EEF1G: variants seen among roughly 807,000 people sequenced by gnomAD.
EEF1G encodes eukaryotic translation elongation factor 1 gamma, also known as elongation factor 1-gamma.
In EEF1G, 14 loss-of-function variants were observed where a neutral mutation model predicts 58.3. The ratio of observed to expected loss-of-function variants is 0.24; its 90% CI spans 0.16 to 0.38. The LOEUF (loss-of-function observed/expected upper bound fraction) is 0.38, where lower values mean the gene tolerates loss of function less well. EEF1G is among the 10% of genes least tolerant of loss of function. EEF1G has a pLI of 1.00. For missense variants in EEF1G, 322 were observed against 550.1 expected (o/e 0.59, Z 4.15); for synonymous variants, 180 against 206.8 (o/e 0.87, Z 1.11).
At chr11:62,568,514 G>A (rs895883740) in intron 5 of EEF1G, among the ~76,000 whole-genome samples, 6 of 151,586 alleles carry the variant, frequency 4.0e-5, no homozygotes, top group Non-Finnish European at 7.4e-5. Context: ...GGGATTACCC[G>A]TGAGCCACCA....
intron 5 of EEF1G, among the ~76,000 whole-genome samples, chr11:62,569,718 G>A (rs1358109907): frequency 6.6e-6 from 1 of 152,116 alleles, no homozygotes; most frequent in Non-Finnish European, 1.5e-5. Flanking sequence ...ACAGTACTTG[G>A]GTTCAAATTC....
rs745605867 is a variant in EEF1G, at chr11:62,567,450, G to A, written c.601C>T (p.Arg201Trp). The A allele has an allele frequency of 3.1e-6, 5 of 1,612,346 alleles. No homozygotes were observed. The highest frequency in any genetic ancestry group is 1.6e-4 in the Middle Eastern group (1 of 6,078). The change falls in exon 6 of 10, where the codon CGG (arginine) becomes TGG (tryptophan). Residue 201 changes from arginine to tryptophan, a missense_variant. This residue lies in a region of EEF1G where 208 missense variants were observed against 323.7 expected (regional missense o/e 0.64). Coordinates refer to ENST00000329251, the MANE Select transcript of EEF1G (RefSeq NM_001404.5). ...AGTTTCACTTCGCCCAAGACAGCCCGGAACTGGGGCTGGTTAATGCAGGTG... is the reference window on the plus strand; with the variant it reads ...AGTTTCACTTCGCCCAAGACAGCCCAGAACTGGGGCTGGTTAATGCAGGTG... The part of the protein sequence containing the change: ...FLTCINQPQF[R>W]AVLGEVKLCE...
In EEF1G at chr11:62,572,666, C is replaced by T. The variant is rs1941649170; in HGVS notation, c.89G>A (p.Arg30His). The T allele has an allele frequency of 3.1e-6, 5 of 1,612,990 alleles. No individual in the cohort carries two copies. The South Asian group carries it at 5.5e-5, about 18-fold the overall frequency. Reference protein sequence around the residue: ...IAAQYSGAQVRVLSAPPHFHF... With the variant: ...IAAQYSGAQVHVLSAPPHFHF... ...GAAGTGGGGTGGTGCGGAGAGCACG[C>T]GGACCTGAGCCCCGCTGTACTGAGC... Residue 30 changes from arginine to histidine, a missense_variant, in exon 2 of 10, where the codon CGC (arginine) becomes CAC (histidine). This residue lies in a region of EEF1G where 62 missense variants were observed against 87.0 expected (regional missense o/e 0.71). Transcript: ENST00000329251.
chr11:62,570,100 C>G (rs571886319), intron 5 of EEF1G, among the ~76,000 whole-genome samples: 182 of 149,864 alleles, frequency 1.2e-3, no homozygotes, highest in African/African-American at 4.3e-3. Flanking sequence ...TCGCTCTTGT[C>G]CCCCAGGCTG....
chr11:62,563,124 CTT>C (rs200499410), intron 7 of EEF1G, among the ~76,000 whole-genome samples: 1 of 147,202 alleles, frequency 6.8e-6, no homozygotes, highest in African/African-American at 2.5e-5. Context: ...CAAAACAATC[CTT>C]TTTTTTTTAT....
Position 62,559,786 on chromosome 11 carries a change from C to A in EEF1G, c.1207G>T (p.Asp403Tyr). Reference sequence around the variant, plus strand: ...GTCTGGGTCTCCTCGCTGCCAGGATCCAGTTTCCGCCATGTGTATGACTCG... The same window carrying A: ...GTCTGGGTCTCCTCGCTGCCAGGATACAGTTTCCGCCATGTGTATGACTCG... ...DYESYTWRKL[D>Y]PGSEETQTLV... The change falls in exon 10 of 10, where the codon GAT (aspartate) becomes TAT (tyrosine). Residue 403 changes from aspartate (D) to tyrosine (Y), a missense_variant. Transcript: ENST00000329251. The A allele has an allele frequency of 1.9e-6, 3 of 1,613,990 alleles. No homozygotes were observed. The highest frequency in any genetic ancestry group is 1.1e-5 in the South Asian group (1 of 91,084).
chr11:62,562,437 T>C (rs1227317884), intron 7 of EEF1G, among the ~76,000 whole-genome samples: 1 of 152,136 alleles, frequency 6.6e-6, no homozygotes, highest in African/African-American at 2.4e-5. Context: ...ATATATATGC[T>C]GACTGAAGAA....
Position 62,572,761 on chromosome 11 carries a change from G to A in EEF1G, c.13-19C>T. On this transcript the variant is annotated intron_variant, in intron 1 of 9. Coordinates refer to ENST00000329251, the MANE Select transcript of EEF1G (RefSeq NM_001404.5). ...ACAGGGTCTATGGGAGAAAGAGAGG[G>A]ACAAAATTAATGAGTAGAAGGGTCC... 1 of 1,598,312 alleles carries A rather than the reference G, an allele frequency of 6.3e-7. No individual in the cohort carries two copies. Among genetic ancestry groups the A allele is most frequent in the Non-Finnish European group, 8.6e-7 (1 of 1,167,938 alleles).
chr11:62,561,675 A>G (rs868568725), intron 7 of EEF1G, among the ~76,000 whole-genome samples: 2 of 26,132 alleles, frequency 7.7e-5, no homozygotes, highest in East Asian at 3.3e-3. Context: ...AAAAAACAAA[A>G]AAAAAACAAA....
At chr11:62,571,774 C>T in intron 3 of EEF1G, 64 bp downstream of exon 3, 3 of 1,563,870 alleles carry the variant, frequency 1.9e-6, no homozygotes, top group African/African-American at 1.4e-5. Context: ...CCCCCGCTCA[C>T]ACTTATCCTC....
Position 62,569,085 on chromosome 11 carries a change from GCACACACACACA to G in EEF1G, c.523-1569_523-1558del, listed in dbSNP as rs58533891. Among the ~76,000 whole-genome samples the G allele has an allele frequency of 6.9e-3, 1,035 of 149,354 alleles. 12 individuals carry two copies. The highest frequency in any genetic ancestry group is 0.024 in the African/African-American group (967 of 40,544). On this transcript the variant is annotated intron_variant, in intron 5 of 9. Coordinates refer to ENST00000329251, the MANE Select transcript of EEF1G (RefSeq NM_001404.5). ...TATATTGGCCATACTATACACACAC[GCACACACACACA>G]CACACCCCCCACACCCACCCATCCA...
Position 62,571,120 on chromosome 11 carries a change from A to G in EEF1G, c.379-12T>C. ...GCATTCTCAGTGGCCTAGTGATTCA[A>G]CATGATAAAACTCATCAGTGGGTAC... On this transcript the variant is annotated splice_polypyrimidine_tract_variant and intron_variant, in intron 4 of 9. Coordinates refer to ENST00000329251, the MANE Select transcript of EEF1G (RefSeq NM_001404.5). 1.2e-6 allele frequency: 2 copies of G among 1,613,914 alleles called. No homozygotes were observed. The highest frequency in any genetic ancestry group is 1.7e-6 in the Non-Finnish European group (2 of 1,179,880).
At chr11:62,570,700 G>A (rs1565262484) in intron 5 of EEF1G, among the ~76,000 whole-genome samples, 1 of 152,014 alleles carries the variant, frequency 6.6e-6, no homozygotes, top group South Asian at 2.1e-4. Context: ...GGCTATAGGT[G>A]TGCGCCACCA....
Position 62,572,586 on chromosome 11 carries a change from T to A in EEF1G, c.169A>T (p.Lys57Ter). 6.2e-7 allele frequency: 1 copy of A among 1,611,938 alleles called. No individual in the cohort carries two copies. The highest frequency in any genetic ancestry group is 8.5e-7 in the Non-Finnish European group (1 of 1,179,786). The change falls in exon 2 of 10, where the codon AAG becomes TAG. Residue 57 changes from lysine to a stop codon, truncating the protein, a stop_gained and splice_region_variant. Transcript: ENST00000329251. LOFTEE classifies it high-confidence loss of function. ...PEFLRKFPAG[K>*]VPAFEGDDGF... is the part of the protein sequence containing the mutation. ...ATGCTCCCCATCTCCCAACTCACCT[T>A]GCCGGCAGGAAATTTGCGGAGAAAT...
In EEF1G at chr11:62,567,385, C is replaced by A; in HGVS notation, c.652+14G>T. On this transcript the variant is annotated intron_variant, in intron 6 of 9. Transcript: ENST00000329251. ...TGATCCTGGCCATATGCCTCCCAGT[C>A]TCCTCAGACTCACCATCAAACTGGG... is the stretch of plus-strand genomic sequence containing the variant. 1.9e-6 allele frequency: 3 copies of A among 1,602,402 alleles called. No homozygotes were observed. The highest frequency in any genetic ancestry group is 2.2e-5 in the South Asian group (2 of 89,060).
chr11:62,566,267 T>C (rs1224737355), intron 7 of EEF1G, among the ~76,000 whole-genome samples: 1 of 152,190 alleles, frequency 6.6e-6, no homozygotes, highest in East Asian at 1.9e-4. Flanking sequence ...ACTTGGGGAC[T>C]TTACTCGGTT....
chr11:62,569,190 T>C (rs1941594746), intron 5 of EEF1G, among the ~76,000 whole-genome samples: 1 of 151,660 alleles, frequency 6.6e-6, no homozygotes, highest in South Asian at 2.1e-4. Context: ...TGGACAGTCC[T>C]GGCTGGGTGT....
intron 7 of EEF1G, among the ~76,000 whole-genome samples, chr11:62,566,332 TAGTG>T (rs886941675): frequency 2.6e-5 from 4 of 152,218 alleles, no homozygotes; most frequent in African/African-American, 9.6e-5. Flanking sequence ...TCCTTTTTCT[TAGTG>T]AGCAATTTTT....
In EEF1G at chr11:62,571,540, C is replaced by T. The variant is rs1448727460; in HGVS notation, c.378G>A (p.Gln126=). ...PTLGIMHHNK[Q]ATENAKEEVR... is the part of the protein sequence containing the mutation. The stretch of plus-strand genomic sequence containing the variant: ...CTTCTCTCAAAGTTCCAAGGCTCAC[C>T]TGTTTGTTGTGGTGCATGATGCCCA... Residue 126 remains glutamine (Q), a splice_region_variant and synonymous_variant, in exon 4 of 10, where the codon CAG becomes CAA. Coordinates refer to ENST00000329251, the MANE Select transcript of EEF1G (RefSeq NM_001404.5). The T allele has an allele frequency of 3.8e-6, 6 of 1,596,162 alleles. No individual in the cohort carries two copies. Among genetic ancestry groups the T allele is most frequent in the Non-Finnish European group, 5.1e-6 (6 of 1,170,962 alleles).
Sources: allele counts gnomAD v4.1 joint callset (sites outside exome capture counted in the v4.1 genomes callset), GRCh38; gene constraint gnomAD v4.1.1; regional missense constraint gnomAD v4.1.1; transcripts MANE v1.5; gene names NCBI Gene and HGNC (gene_info 2026-07-23, HGNC 2026-07-21).